GUCY1A2: variants seen among roughly 807,000 people sequenced by gnomAD.
The protein encoded by GUCY1A2 is guanylate cyclase 1 soluble subunit alpha 2, also known as guanylate cyclase soluble subunit alpha-2.
In GUCY1A2, 27 loss-of-function variants were observed where a neutral mutation model predicts 63.5. The observed-to-expected ratio is 0.43, with a 90% CI of 0.31 to 0.59. The LOEUF (loss-of-function observed/expected upper bound fraction) is 0.59. Ranked by LOEUF, GUCY1A2 falls within the 20% of genes least tolerant of loss-of-function variation. GUCY1A2 has a pLI of 0.11. For synonymous variants in GUCY1A2, 364 were observed against 343.5 expected (o/e 1.06, Z -0.66); for missense variants, 768 against 913.3 (o/e 0.84, Z 2.05).
intron 6 of GUCY1A2, among the ~76,000 whole-genome samples, chr11:106,713,966 GAGC>G (rs1401068209): frequency 6.6e-6 from 1 of 151,212 alleles, no homozygotes; most frequent in African/African-American, 2.4e-5. Context: ...AGCAGGAGGA[GAGC>G]AGAAGTGAGT....
At chr11:106,798,725 TA>T (rs1655959398) in intron 5 of GUCY1A2, among the ~76,000 whole-genome samples, 2 of 152,156 alleles carry the variant, frequency 1.3e-5, no homozygotes, top group South Asian at 4.1e-4. Context: ...CCCTTCATGC[TA>T]AAAACTCTCA....
At chr11:106,855,341 C>T (rs1214287455) in intron 4 of GUCY1A2, among the ~76,000 whole-genome samples, 1 of 152,166 alleles carries the variant, frequency 6.6e-6, no homozygotes, top group Non-Finnish European at 1.5e-5. Flanking sequence ...TCATTCCAAA[C>T]CGATCCTGGC....
intron 4 of GUCY1A2, chr11:106,936,696 T>C: frequency 2.0e-6 from 3 of 1,524,478 alleles, no homozygotes; most frequent in Non-Finnish European, 2.6e-6. Flanking sequence ...CAGATGCCCC[T>C]CGGTGACATG....
chr11:106,842,086 G>A (rs1347655534), intron 4 of GUCY1A2, among the ~76,000 whole-genome samples: 1 of 151,878 alleles, frequency 6.6e-6, no homozygotes, highest in Non-Finnish European at 1.5e-5. Flanking sequence ...AGAAAGTCTG[G>A]TTTATTCATT....
chr11:106,780,613 A>G (rs900871843), intron 5 of GUCY1A2, among the ~76,000 whole-genome samples: 1 of 152,150 alleles, frequency 6.6e-6, no homozygotes, highest in Non-Finnish European at 1.5e-5. Flanking sequence ...TGTGACATAT[A>G]TATCTTCTTT....
At chr11:106,688,101 G>A (rs539419690) in intron 7 of GUCY1A2, among the ~76,000 whole-genome samples, 1 of 152,062 alleles carries the variant, frequency 6.6e-6, no homozygotes, top group African/African-American at 2.4e-5. Context: ...CATAATACAG[G>A]TTTTATTTCA....
chr11:106,835,935 G>A (rs896029819), intron 4 of GUCY1A2, among the ~76,000 whole-genome samples: 6 of 151,852 alleles, frequency 4.0e-5, no homozygotes, highest in Admixed American at 1.3e-4. Flanking sequence ...AGAATGGGAC[G>A]AATGTAGGTA....
intron 6 of GUCY1A2, among the ~76,000 whole-genome samples, chr11:106,750,037 G>T (rs1364878698): frequency 1.3e-5 from 2 of 152,050 alleles, no homozygotes; most frequent in Non-Finnish European, 2.9e-5. Context: ...GGGGAGAGAA[G>T]CCTATAATTT....
Position 106,703,245 on chromosome 11 carries a change from A to G in GUCY1A2, c.1991+5267T>C, listed in dbSNP as rs773929905. Among the ~76,000 whole-genome samples the G allele has an allele frequency of 5.3e-4, 81 of 152,132 alleles. 2 individuals carry two copies. Among genetic ancestry groups the G allele is most frequent in the South Asian group, 2.1e-4 (1 of 4,824 alleles). On this transcript the variant is annotated intron_variant, in intron 7 of 7. Coordinates refer to ENST00000526355, the MANE Select transcript of GUCY1A2 (RefSeq NM_000855.3). ...CTTTACCTTGTGATCCTGTGAGTCA[A>G]TACTCCTTAATAAACTCCCCTTTAT...
At chr11:106,900,048 T>C (rs1432982261) in intron 4 of GUCY1A2, among the ~76,000 whole-genome samples, 1 of 141,250 alleles carries the variant, frequency 7.1e-6, no homozygotes, top group Non-Finnish European at 1.5e-5. Context: ...ATCAGGCCAC[T>C]GCACTCCAGC....
At chr11:106,767,267 A>C (rs1161121843) in intron 6 of GUCY1A2, among the ~76,000 whole-genome samples, 3 of 152,164 alleles carry the variant, frequency 2.0e-5, no homozygotes, top group African/African-American at 7.2e-5. Context: ...AAAAATGTGA[A>C]AGTCAAGACT....
chr11:106,894,262 A>C (rs948971522), intron 4 of GUCY1A2, among the ~76,000 whole-genome samples: 8 of 152,198 alleles, frequency 5.3e-5, no homozygotes, highest in Non-Finnish European at 1.0e-4. Flanking sequence ...AACAATCCTT[A>C]ATGTGTATGT....
chr11:106,739,336 G>A (rs1030125417), intron 6 of GUCY1A2, among the ~76,000 whole-genome samples: 1 of 152,136 alleles, frequency 6.6e-6, no homozygotes, highest in Non-Finnish European at 1.5e-5. Context: ...TACAAACAGA[G>A]ACAATTTGAC....
chr11:106,793,983 C>T (rs1039529469), intron 5 of GUCY1A2, among the ~76,000 whole-genome samples: 5 of 152,100 alleles, frequency 3.3e-5, no homozygotes, highest in African/African-American at 1.2e-4. Flanking sequence ...TTTTCAGCAA[C>T]TCCACTTCTG....
At chr11:106,887,797 A>G (rs1859919196) in intron 4 of GUCY1A2, among the ~76,000 whole-genome samples, 1 of 152,238 alleles carries the variant, frequency 6.6e-6, no homozygotes, top group Non-Finnish European at 1.5e-5. Flanking sequence ...TGACCGGCAT[A>G]AAAACTAAGG....
At chr11:106,834,192 T>C (rs117258026) in intron 4 of GUCY1A2, among the ~76,000 whole-genome samples, 1,957 of 152,068 alleles carry the variant, frequency 0.013, 27 homozygotes, top group South Asian at 0.048. Context: ...TGTGCACCCT[T>C]TGACCAACAC....
intron 1 of GUCY1A2, among the ~76,000 whole-genome samples, chr11:107,015,791 C>A (rs1861815449): frequency 1.3e-5 from 2 of 152,132 alleles, no homozygotes; most frequent in African/African-American, 2.4e-5. Flanking sequence ...CAATTTGCAA[C>A]ATCAAATAGT....
Position 106,908,941 on chromosome 11 carries a change from G to A in GUCY1A2, c.1206+30519C>T, listed in dbSNP as rs191704874. Among the ~76,000 whole-genome samples the A allele has an allele frequency of 1.1e-3, 167 of 152,032 alleles. 1 individual carries two copies. The highest frequency in any genetic ancestry group is 3.8e-3 in the African/African-American group (157 of 41,502). Reference sequence around the variant, plus strand: ...AGAAGAAGGTGAAGAAATATTTTTGGAATTGCTGTTGTACACAATAATTAC... The same window carrying A: ...AGAAGAAGGTGAAGAAATATTTTTGAAATTGCTGTTGTACACAATAATTAC... On this transcript the variant is annotated intron_variant, in intron 4 of 7. Transcript: ENST00000526355.
At chr11:106,795,321 A>G (rs1448059504) in intron 5 of GUCY1A2, among the ~76,000 whole-genome samples, 2 of 152,182 alleles carry the variant, frequency 1.3e-5, no homozygotes, top group Non-Finnish European at 2.9e-5. Context: ...GAGGGCTGAA[A>G]TATGCCCGAC....
Sources: gnomAD v4.1 joint callset for allele counts (sites outside exome capture counted in the v4.1 genomes callset) on GRCh38, gnomAD v4.1.1 for gene constraint, MANE v1.5 for transcripts, NCBI Gene and HGNC (gene_info 2026-07-23, HGNC 2026-07-21) for gene names.